IGFL2: variants seen among roughly 807,000 people sequenced by gnomAD.
IGFL2 encodes insulin growth factor-like family member 2.
Under a neutral mutation model 13.9 loss-of-function variants are expected in IGFL2, and 7 were observed. The ratio of observed to expected loss-of-function variants is 0.51; its 90% CI spans 0.29 to 0.95. The LOEUF is 0.95. Among genes scored for constraint, IGFL2 ranks in the 40% least tolerant of loss-of-function variants. IGFL2 has a pLI of 0.08. For synonymous variants in IGFL2, 55 were observed against 55.8 expected (o/e 0.99, Z 0.07); for missense variants, 138 against 147.8 (o/e 0.93, Z 0.34).
chr19:46,098,561 T>C, the IGFL2 span, among the ~76,000 whole-genome samples: 7 of 150,346 alleles, frequency 4.7e-5, no homozygotes, highest in East Asian at 1.4e-3. Context: ...CTCACTGCAC[T>C]TCTGCCTCTT....
chr19:46,121,257 A>G, the IGFL2 span, among the ~76,000 whole-genome samples: 1 of 149,878 alleles, frequency 6.7e-6, no homozygotes, highest in African/African-American at 2.5e-5. Flanking sequence ...ATGTGGTGGC[A>G]TGTGCATGTA....
chr19:46,151,957 T>A (rs564084847), intron 1 of IGFL2, among the ~76,000 whole-genome samples: 1 of 152,342 alleles, frequency 6.6e-6, no homozygotes, highest in African/African-American at 2.4e-5. Flanking sequence ...TAGATCAATT[T>A]GGGATTTTTG....
upstream of IGFL2, chr19:46,147,662 C>T (rs567001100): frequency 1.3e-5 from 2 of 152,334 alleles, no homozygotes; most frequent in African/African-American, 2.4e-5. Flanking sequence ...GACTTGTGCA[C>T]TAGGGGATAA....
At chr19:46,147,450 G>C (rs745540874), upstream of IGFL2, among the ~76,000 whole-genome samples, 7 of 152,164 alleles carry the variant, frequency 4.6e-5, no homozygotes, top group Non-Finnish European at 8.8e-5. Context: ...ATTCTTATCA[G>C]CTTGCCTGAC....
At chr19:46,158,042 T>C (rs1973918932) in intron 1 of IGFL2, among the ~76,000 whole-genome samples, 1 of 152,124 alleles carries the variant, frequency 6.6e-6, no homozygotes, top group Non-Finnish European at 1.5e-5. Flanking sequence ...CTGCAATTGT[T>C]CAAAAATGAA....
the IGFL2 span, among the ~76,000 whole-genome samples, chr19:46,090,335 G>A: frequency 6.6e-6 from 1 of 152,154 alleles, no homozygotes; most frequent in African/African-American, 2.4e-5. Context: ...GAATTGTTTA[G>A]TAAGGAGTTC....
the IGFL2 span, among the ~76,000 whole-genome samples, chr19:46,098,667 T>C: frequency 6.6e-6 from 1 of 152,026 alleles, no homozygotes; most frequent in Non-Finnish European, 1.5e-5. Flanking sequence ...TTAGTAGATA[T>C]GTGGTTTCAC....
the IGFL2 span, among the ~76,000 whole-genome samples, chr19:46,186,438 TC>T: frequency 5.7e-4 from 87 of 152,318 alleles, no homozygotes; most frequent in Non-Finnish European, 9.6e-4. Context: ...CAGGCTCTTA[TC>T]GGTGTTGACC....
chr19:46,088,382 C>A, the IGFL2 span, among the ~76,000 whole-genome samples: 13 of 152,076 alleles, frequency 8.5e-5, no homozygotes, highest in Non-Finnish European at 1.9e-4. Flanking sequence ...AACTAATGAA[C>A]CCATATGTTT....
the IGFL2 span, chr19:46,124,277 C>G: frequency 1.2e-6 from 2 of 1,610,724 alleles, no homozygotes; most frequent in African/African-American, 2.7e-5. Context: ...CCTGTAGTTC[C>G]TTTTGAACAC....
chr19:46,192,611 G>C, the IGFL2 span, among the ~76,000 whole-genome samples: 3 of 151,580 alleles, frequency 2.0e-5, no homozygotes, highest in South Asian at 2.1e-4. Flanking sequence ...GTAGAGACAG[G>C]GGTTTCACCA....
the IGFL2 span, among the ~76,000 whole-genome samples, chr19:46,171,536 A>G: frequency 6.6e-6 from 1 of 152,264 alleles, no homozygotes; most frequent in Admixed American, 6.5e-5. Context: ...ATTTTTCTCT[A>G]TCTCCATTTT....
the IGFL2 span, among the ~76,000 whole-genome samples, chr19:46,102,884 TA>T: frequency 1.3e-5 from 2 of 152,116 alleles, no homozygotes; most frequent in African/African-American, 4.8e-5. Context: ...TGAGCAGGAT[TA>T]GGGGCAGCAT....
chr19:46,098,478 C>CTTT, the IGFL2 span, among the ~76,000 whole-genome samples: 218 of 128,364 alleles, frequency 1.7e-3, 2 homozygotes, highest in African/African-American at 6.0e-3. Context: ...CAATCTGTGT[C>CTTT]TTTTTTTTTT....
the IGFL2 span, among the ~76,000 whole-genome samples, chr19:46,174,244 A>C: frequency 6.6e-6 from 1 of 152,228 alleles, no homozygotes; most frequent in African/African-American, 2.4e-5. Flanking sequence ...CAAAGTGAAC[A>C]TGCAGCGCTG....
chr19:46,194,485 C>T, the IGFL2 span, among the ~76,000 whole-genome samples: 1 of 152,068 alleles, frequency 6.6e-6, no homozygotes, highest in African/African-American at 2.4e-5. Flanking sequence ...CTGCAGAAAG[C>T]AGTAAAGCTT....
the IGFL2 span, among the ~76,000 whole-genome samples, chr19:46,134,254 C>T: frequency 5.4e-4 from 82 of 152,140 alleles, no homozygotes; most frequent in African/African-American, 1.9e-3. Flanking sequence ...GAGGTAGTGG[C>T]GTGGGTTTTG....
At chr19:46,087,252 G>T in the IGFL2 span, among the ~76,000 whole-genome samples, 1 of 152,204 alleles carries the variant, frequency 6.6e-6, no homozygotes, top group Non-Finnish European at 1.5e-5. Flanking sequence ...GCTGATGTTG[G>T]TGGTAGCTGG....
Sources: allele counts gnomAD v4.1 joint callset (sites outside exome capture counted in the v4.1 genomes callset), GRCh38; gene constraint gnomAD v4.1.1; transcripts MANE v1.5; gene names NCBI Gene and HGNC (gene_info 2026-07-23, HGNC 2026-07-21).